FRAS1: variants seen among roughly 807,000 people sequenced by gnomAD.
FRAS1 encodes the protein extracellular matrix organizing protein FRAS1.
Under a neutral mutation model 435.2 loss-of-function variants are expected in FRAS1, and 290 were observed. That is an observed-to-expected ratio of 0.67 (90% CI 0.61 to 0.73). FRAS1 has a LOEUF of 0.73. Among genes scored for constraint, FRAS1 ranks in the 30% least tolerant of loss-of-function variants. FRAS1 has a pLI of 0.00. For synonymous variants in FRAS1, 1,800 were observed against 1,851.0 expected (o/e 0.97, Z 0.71); for missense variants, 4,860 against 5,001.5 (o/e 0.97, Z 0.85).
intron 20 of FRAS1, among the ~76,000 whole-genome samples, chr4:78,359,557 T>C (rs1320057485): frequency 6.6e-6 from 1 of 152,122 alleles, no homozygotes; most frequent in Non-Finnish European, 1.5e-5. Context: ...TTGCATATGA[T>C]GGAGCTGGGA....
At chr4:78,363,405 G>T in intron 20 of FRAS1, 108 bp from the exon 21 acceptor site, 1 of 1,107,452 alleles carries the variant, frequency 9.0e-7, no homozygotes, top group Non-Finnish European at 1.3e-6. Flanking sequence ...CTCTCCAGCT[G>T]TCAGCTGCAG....
At chr4:78,069,338 A>C (rs1313858030) in intron 2 of FRAS1, among the ~76,000 whole-genome samples, 1 of 152,220 alleles carries the variant, frequency 6.6e-6, no homozygotes, top group Non-Finnish European at 1.5e-5. Context: ...AAAGCATATC[A>C]AGCAAATGAG....
chr4:78,446,651 T>C (rs1718839998), intron 42 of FRAS1, 76 bp from the exon 43 acceptor site: 10 of 1,523,974 alleles, frequency 6.6e-6, no homozygotes, highest in Middle Eastern at 1.9e-4. Context: ...GTAGCAATGA[T>C]ACTGTCTCTG....
intron 27 of FRAS1, among the ~76,000 whole-genome samples, chr4:78,381,541 T>C (rs189356120): frequency 1.6e-3 from 248 of 152,322 alleles, no homozygotes; most frequent in Non-Finnish European, 2.8e-3. Flanking sequence ...CTGCCTGCCT[T>C]GGCCTCCCAA....
intron 15 of FRAS1, among the ~76,000 whole-genome samples, chr4:78,310,653 G>C (rs1578244498): frequency 6.6e-6 from 1 of 152,144 alleles, no homozygotes; most frequent in Non-Finnish European, 1.5e-5. Context: ...TGGAGCTTAC[G>C]CGTTTTATAA....
In FRAS1 at chr4:78,473,572, T is replaced by A. The variant is rs758474769; in HGVS notation, c.7657T>A (p.Ser2553Thr). The A allele has an allele frequency of 1.2e-6, 2 of 1,608,908 alleles. No homozygotes were observed. Among genetic ancestry groups the A allele is most frequent in the Admixed American group, 3.4e-5 (2 of 59,436 alleles). The change falls in exon 53 of 74, where the codon TCA becomes ACA. Residue 2553 changes from serine to threonine, a missense_variant. Physicochemically the swap from Ser to Thr is moderately conservative, Grantham distance 58. Transcript: ENST00000512123. ...CGACAATGTCTTCCATATCCAGTGG[T>A]CACTCATCAGCTTTAAATATACCAG... The part of the protein sequence containing the change: ...VSDNVFHIQW[S>T]LISFKYTSYN...
At chr4:78,091,517 T>A (rs193133014) in intron 2 of FRAS1, among the ~76,000 whole-genome samples, 5 of 152,230 alleles carry the variant, frequency 3.3e-5, no homozygotes, top group Non-Finnish European at 5.9e-5. Context: ...CCAAAATGTA[T>A]TTTGAGGAAT....
chr4:78,125,413 C>A (rs1305504231), intron 2 of FRAS1, among the ~76,000 whole-genome samples: 1 of 152,068 alleles, frequency 6.6e-6, no homozygotes, highest in African/African-American at 2.4e-5. Context: ...TTCCAATTAT[C>A]TGGTCAATTT....
rs532673215 is a variant in FRAS1 at position 78,409,747 on chromosome 4, G to A, written c.4308+1906G>A. On this transcript the variant is annotated intron_variant, in intron 31 of 73. Coordinates refer to ENST00000512123, the MANE Select transcript of FRAS1 (RefSeq NM_025074.7). ...TCAGAGAAAATATCTATGTTTATGG[G>A]GATCAGCCAAAGCGGTGTCAGGGCC... 6.4e-4 allele frequency among the ~76,000 whole-genome samples: 98 copies of A among 152,236 alleles called. 4 individuals are homozygous for A. In the South Asian group the frequency reaches 0.02, roughly 31 times the overall value.
At chr4:78,439,162 A>G in intron 40 of FRAS1, 98 bp downstream of exon 40, 1 of 1,016,468 alleles carries the variant, frequency 9.8e-7, no homozygotes, top group East Asian at 2.6e-5. Context: ...GCTGCCAAAT[A>G]TTTCCCCCAA....
chr4:78,477,234 G>A (rs1016707241), intron 54 of FRAS1, among the ~76,000 whole-genome samples: 3 of 152,070 alleles, frequency 2.0e-5, no homozygotes, highest in African/African-American at 7.2e-5. Flanking sequence ...AAGTAATATG[G>A]TGATACTAAT....
At chr4:78,266,987 A>G in intron 8 of FRAS1, 52 bp downstream of exon 8, 1 of 1,268,438 alleles carries the variant, frequency 7.9e-7, no homozygotes, top group Non-Finnish European at 1.1e-6. Context: ...GGGTCATTTA[A>G]GGAATGCACT....
intron 14 of FRAS1, among the ~76,000 whole-genome samples, chr4:78,300,482 T>C (rs1249589173): frequency 6.6e-6 from 1 of 152,034 alleles, no homozygotes; most frequent in Non-Finnish European, 1.5e-5. Context: ...ATAAGGAAAC[T>C]TTCCTTTGTC....
rs762050737 is a variant in FRAS1 at position 78,515,884 on chromosome 4, G to A, written c.10260G>A (p.Val3420=). The change falls in exon 66 of 74, where the codon GTG becomes GTA. Residue 3420 remains valine, a synonymous_variant. Coordinates refer to ENST00000512123, the MANE Select transcript of FRAS1 (RefSeq NM_025074.7). ...GCCCCTTCCAGTTTGACCCCAGCGT[G>A]CGAGAGCCGAAGACCATCCAGCTCT... ...YDRPFQFDPS[V]REPKTIQLYK... 3.7e-6 allele frequency: 6 copies of A among 1,613,910 alleles called. No individual in the cohort carries two copies. Among genetic ancestry groups the A allele is most frequent in the South Asian group, 3.3e-5 (3 of 91,082 alleles).
intron 63 of FRAS1, among the ~76,000 whole-genome samples, chr4:78,510,461 A>G (rs1720996834): frequency 6.6e-6 from 1 of 152,146 alleles, no homozygotes; most frequent in African/African-American, 2.4e-5. Flanking sequence ...TAATGGAAAA[A>G]TTTTCTTTAG....
intron 20 of FRAS1, among the ~76,000 whole-genome samples, chr4:78,360,824 C>A (rs923231553): frequency 4.6e-5 from 7 of 152,200 alleles, no homozygotes; most frequent in African/African-American, 1.7e-4. Flanking sequence ...TCAGATAAAT[C>A]CATAATTACT....
intron 47 of FRAS1, among the ~76,000 whole-genome samples, chr4:78,462,381 C>CA (rs934820094): frequency 1.2e-4 from 18 of 145,006 alleles, no homozygotes; most frequent in East Asian, 4.0e-4. Flanking sequence ...TCTCAGAAAA[C>CA]AAAAAAAAAG....
intron 71 of FRAS1, among the ~76,000 whole-genome samples, chr4:78,535,077 A>G (rs1721839554): frequency 6.6e-6 from 1 of 152,092 alleles, no homozygotes; most frequent in Non-Finnish European, 1.5e-5. Context: ...TCTCTTGTCG[A>G]TGACACCAAA....
intron 2 of FRAS1, among the ~76,000 whole-genome samples, chr4:78,193,688 T>A (rs1560573753): frequency 6.6e-6 from 1 of 152,224 alleles, no homozygotes; most frequent in Non-Finnish European, 1.5e-5. Flanking sequence ...ATGGGTTACC[T>A]GAATACAGCA....
Sources: gnomAD v4.1 joint callset for allele counts (sites outside exome capture counted in the v4.1 genomes callset) on GRCh38, gnomAD v4.1.1 for gene constraint, MANE v1.5 for transcripts, NCBI Gene and HGNC (gene_info 2026-07-23, HGNC 2026-07-21) for gene names.